The following DUOX2 variants were observed in gnomAD, a reference collection of about 807,000 sequenced individuals.
DUOX2 encodes dual oxidase 2, also known as NADH/NADPH thyroid oxidase p138-tox.
Under a neutral mutation model 183.3 loss-of-function variants are expected in DUOX2, and 185 were observed. The observed-to-expected ratio is 1.01, with a 90% CI of 0.90 to 1.14. The LOEUF (loss-of-function observed/expected upper bound fraction) is 1.14, where lower values mean the gene tolerates loss of function less well. DUOX2 is among the 50% of genes most tolerant of loss of function. The pLI is 0.00. For missense variants in DUOX2, 1,999 were observed against 2,022.9 expected (o/e 0.99, Z 0.23); for synonymous variants, 788 against 812.4 (o/e 0.97, Z 0.51).
In DUOX2 at chr15:45,097,252, T is replaced by A. The variant is rs774917590; in HGVS notation, c.3833A>T (p.Glu1278Val). The change falls in exon 29 of 34, where the codon GAG (glutamate) becomes GTG (valine). Residue 1278 changes from glutamate (E) to valine (V), a missense_variant. Around this residue, in one of 3 missense-constraint regions of DUOX2, gnomAD observed 1,628 missense variants for 1,608.6 expected, o/e 1.01. Transcript: ENST00000389039. ...GGGCCTGATACCTGAGGGCAGCAGCTCCGCCTTCACCACGCTGATCTCCAC... is the reference window on the plus strand; with the variant it reads ...GGGCCTGATACCTGAGGGCAGCAGCACCGCCTTCACCACGCTGATCTCCAC... ...KKVEISVVKA[E>V]LLPSGVTYLQ... is the part of the protein sequence containing the mutation. 6.2e-7 allele frequency: 1 copy of A among 1,614,160 alleles called. No individual in the cohort carries two copies. The highest frequency in any genetic ancestry group is 1.1e-5 in the South Asian group (1 of 91,082).
chr15:45,101,858 C>G lies in DUOX2; in HGVS notation c.2786G>C (p.Arg929Pro). Residue 929 changes from arginine to proline, a missense_variant, in exon 21 of 34, where the codon CGG becomes CCG. Coordinates refer to ENST00000389039, the MANE Select transcript of DUOX2 (RefSeq NM_001363711.2). Reference protein sequence around the residue: ...LTWEDFHFMLRDHDSELRFTQ... With the variant: ...LTWEDFHFMLPDHDSELRFTQ... ...GAAGCGGAGCTCGCTGTCATGGTCCCGCAGCATGAAGTGAAAATCCTCCCA... is the reference window on the plus strand; with the variant it reads ...GAAGCGGAGCTCGCTGTCATGGTCCGGCAGCATGAAGTGAAAATCCTCCCA... 1.2e-6 allele frequency: 2 copies of G among 1,614,204 alleles called. No homozygotes were observed. Among genetic ancestry groups the G allele is most frequent in the South Asian group, 1.1e-5 (1 of 91,078 alleles).
rs184000714 is a variant in DUOX2 at position 45,100,168 on chromosome 15, G to A, written c.3066C>T (p.Gly1022=). 187 of 1,614,142 alleles carry A rather than the reference G, an allele frequency of 1.2e-4. No homozygotes were observed. The highest frequency in any genetic ancestry group is 1.5e-4 in the Non-Finnish European group (181 of 1,180,024). ...ACTGCTGCAGCTTTTGGGCTAGGAA[G>A]CCTCGCTGCATCTTCTCTTGCAGCG... ...TEALQEKMQR[G]FLAQKLQQYK... The change falls in exon 24 of 34, where the codon GGC becomes GGT. Residue 1022 remains glycine, a synonymous_variant. Coordinates refer to ENST00000389039, the MANE Select transcript of DUOX2 (RefSeq NM_001363711.2).
In DUOX2 at chr15:45,104,324, C is replaced by T; in HGVS notation, c.2376G>A (p.Leu792=). 4.3e-6 allele frequency: 7 copies of T among 1,614,014 alleles called. No homozygotes were observed. Among genetic ancestry groups the T allele is most frequent in the Non-Finnish European group, 5.1e-6 (6 of 1,179,994 alleles). The change falls in exon 19 of 34, where the codon CTG becomes CTA. Residue 792 remains leucine, a synonymous_variant. Transcript: ENST00000389039. ...INQADAGTLP[L]DSSQKVREAL... ...CCTCCCGCACCTTCTGGGAGGAGTC[C>T]AGGGGCAGGGTCCCTGCGTCGGCCT...
intron 21 of DUOX2, chr15:45,101,548 G>C: frequency 1.6e-6 from 1 of 626,556 alleles, no homozygotes; most frequent in Non-Finnish European, 2.8e-6. Flanking sequence ...ATACATCTTA[G>C]AGCAATGCCG....
intron 18 of DUOX2, among the ~76,000 whole-genome samples, 170 bp from the exon 19 acceptor site, chr15:45,104,535 G>A (rs1037448956): frequency 6.6e-6 from 1 of 152,190 alleles, no homozygotes; most frequent in Non-Finnish European, 1.5e-5. Flanking sequence ...TCCTATAGAC[G>A]GGGGAATCAA....
intron 20 of DUOX2, among the ~76,000 whole-genome samples, chr15:45,102,975 G>A (rs1894120428): frequency 1.3e-5 from 2 of 152,032 alleles, no homozygotes; most frequent in African/African-American, 2.4e-5. Flanking sequence ...GAGTGACTCC[G>A]TCTCAAAACA....
chr15:45,112,665 C>A lies in DUOX2; in HGVS notation c.214G>T (p.Ala72Ser), dbSNP rs199733766. 6.8e-6 allele frequency: 11 copies of A among 1,612,866 alleles called. No homozygotes were observed. In the East Asian group the frequency reaches 2.2e-4, roughly 33 times the overall value. Residue 72 changes from alanine to serine, a missense_variant, in exon 4 of 34, where the codon GCT becomes TCT. Coordinates refer to ENST00000389039, the MANE Select transcript of DUOX2 (RefSeq NM_001363711.2). Reference sequence around the variant, plus strand: ...TTGGGCAGCTGCGGCTCCTCCAGAGCCTGATACACACCGTCGGCGTAATTG... The same window carrying A: ...TTGGGCAGCTGCGGCTCCTCCAGAGACTGATACACACCGTCGGCGTAATTG... ...PANYADGVYQ[A>S]LEEPQLPNPR... is the part of the protein sequence containing the mutation.
intron 22 of DUOX2, 106 bp from the exon 23 acceptor site, chr15:45,100,944 C>A: frequency 1.3e-6 from 1 of 778,156 alleles, no homozygotes; most frequent in East Asian, 2.5e-5. Context: ...TGGTACCAGG[C>A]AGGGGGCAAG....
Position 45,094,570 on chromosome 15 carries a change from TG to T in DUOX2, c.4516del (p.His1506ThrfsTer17), listed in dbSNP as rs772041683. On this transcript the variant is annotated frameshift_variant, in exon 33 of 34. Transcript: ENST00000389039. LOFTEE classifies it high-confidence loss of function. ...GGAGGGAGTGGGACTGACCTGTGGG[TG>T]GACCTCCTGCAGGGAGTTGAAGAAG... ...EPFFNSLQEVHPQVRKIGVFS... is the reference protein window; with the variant it reads ...EPFFNSLQEVXPQVRKIGVFS... 8.7e-6 allele frequency: 14 copies of T among 1,613,070 alleles called. No individual in the cohort carries two copies. In the African/African-American group the frequency reaches 1.6e-4, roughly 18 times the overall value.
chr15:45,099,961 T>C, intron 24 of DUOX2, 69 bp from the exon 25 acceptor site: 2 of 1,611,874 alleles, frequency 1.2e-6, no homozygotes, highest in Non-Finnish European at 1.7e-6. Flanking sequence ...GGCTCTCCCA[T>C]GCAGACTCTT....
At chr15:45,094,445 T>G in intron 33 of DUOX2, 118 bp downstream of exon 33, 6 of 1,528,812 alleles carry the variant, frequency 3.9e-6, no homozygotes, top group Non-Finnish European at 5.3e-6. Context: ...GACCTCATCC[T>G]GGGGCCAGGC....
rs373873476 is a variant in DUOX2 at position 45,108,092 on chromosome 15, C to T, written c.1529G>A (p.Arg510Gln). 96 of 1,613,948 alleles carry T rather than the reference C, an allele frequency of 5.9e-5. No homozygotes were observed. The highest frequency in any genetic ancestry group is 6.4e-5 in the Non-Finnish European group (76 of 1,180,000). The part of the protein sequence containing the change: ...FSAIVLDQFV[R>Q]LRDGDRYWFE... Reference sequence around the variant, plus strand: ...CCAGTAGCGGTCACCATCCCGCAGCCGTACAAACTGGTCGAGGACAATGGC... The same window carrying T: ...CCAGTAGCGGTCACCATCCCGCAGCTGTACAAACTGGTCGAGGACAATGGC... The change falls in exon 13 of 34, where the codon CGG (arginine) becomes CAG (glutamine). Residue 510 changes from arginine (R) to glutamine (Q), a missense_variant. Transcript: ENST00000389039.
At chr15:45,098,508 G>A (rs910149613) in intron 26 of DUOX2, among the ~76,000 whole-genome samples, 3 of 152,200 alleles carry the variant, frequency 2.0e-5, no homozygotes, top group Non-Finnish European at 4.4e-5. Flanking sequence ...TCCAGTGAAT[G>A]GATAGAAGGC....
In DUOX2 at chr15:45,099,499, C is replaced by G. The variant is rs768120439; in HGVS notation, c.3416-17G>C. ...TGTGCAAAACTGGAAGAGACAGACC[C>G]TGTTAGAGATGCCAACCAGGACAGA... On this transcript the variant is annotated splice_polypyrimidine_tract_variant and intron_variant, in intron 25 of 33. Transcript: ENST00000389039. 6.2e-6 allele frequency: 10 copies of G among 1,612,342 alleles called. No individual in the cohort carries two copies. The highest frequency in any genetic ancestry group is 1.1e-5 in the South Asian group (1 of 90,968).
chr15:45,112,882 G>A (rs1436257926), intron 3 of DUOX2, 105 bp downstream of exon 3: 3 of 1,542,656 alleles, frequency 1.9e-6, no homozygotes, highest in Non-Finnish European at 2.7e-6. Flanking sequence ...TGTAGGCAGC[G>A]GAGCTGCTGG....
In DUOX2 at chr15:45,099,173, G is replaced by T. The variant is rs867208254; in HGVS notation, c.3515+210C>A. 1.7e-4 allele frequency: 75 copies of T among 452,042 alleles called. 1 individual carries two copies. The highest frequency in any genetic ancestry group is 1.5e-3 in the South Asian group (74 of 49,556). 28.0% of individuals were successfully genotyped at this position (452,042 alleles called of 1,614,324 possible). A position where few individuals can be genotyped will look rare whatever the true frequency, so the allele number is the denominator to read the frequency against. ...TTACAGGCGCCCACCACCACGCCCG[G>T]CTAATTTTTTGTATTTTTAGTAGAG... is the stretch of plus-strand genomic sequence containing the variant. On this transcript the variant is annotated intron_variant, in intron 26 of 33. Coordinates refer to ENST00000389039, the MANE Select transcript of DUOX2 (RefSeq NM_001363711.2).
Position 45,112,639 on chromosome 15 carries a change from G to A in DUOX2, c.240C>T (p.Asn80=), listed in dbSNP as rs576453199. 7 of 1,612,810 alleles carry A rather than the reference G, an allele frequency of 4.3e-6. No homozygotes were observed. The South Asian group carries it at 4.4e-5, about 10-fold the overall frequency. ...YQALEEPQLP[N]PRRLSNAATR... ...TGGCTGCGTTGCTGAGCCGGCGCGG[G>A]TTGGGCAGCTGCGGCTCCTCCAGAG... The change falls in exon 4 of 34, where the codon AAC becomes AAT. Residue 80 remains asparagine (N), a synonymous_variant. Transcript: ENST00000389039.
At chr15:45,109,494 A>T in intron 11 of DUOX2, 30 bp downstream of exon 11, 1 of 1,607,178 alleles carries the variant, frequency 6.2e-7, no homozygotes, top group Non-Finnish European at 8.5e-7. Flanking sequence ...CTGGTCCCTT[A>T]CCATCCACCC....
chr15:45,107,965 A>T, intron 13 of DUOX2, 82 bp downstream of exon 13: 2 of 1,551,006 alleles, frequency 1.3e-6, no homozygotes, highest in Non-Finnish European at 1.8e-6. Context: ...TCAAGGGCTC[A>T]TAGGGGCTGT....
Sources: allele counts gnomAD v4.1 joint callset (sites outside exome capture counted in the v4.1 genomes callset), GRCh38; gene constraint gnomAD v4.1.1; regional missense constraint gnomAD v4.1.1; transcripts MANE v1.5; gene names NCBI Gene and HGNC (gene_info 2026-07-23, HGNC 2026-07-21).